The following IL13RA1 variants were observed in gnomAD, a reference collection of about 807,000 sequenced individuals.
IL13RA1 encodes interleukin 13 receptor subunit alpha 1, also known as interleukin-13 receptor subunit alpha-1.
In IL13RA1, 14 loss-of-function variants were observed where a neutral mutation model predicts 33.8. The ratio of observed to expected loss-of-function variants is 0.41; its 90% CI spans 0.27 to 0.65. IL13RA1 has a LOEUF of 0.65. Among genes scored for constraint, IL13RA1 ranks in the 30% least tolerant of loss-of-function variants. The pLI, the probability that IL13RA1 is intolerant of heterozygous loss-of-function variation, is 0.28. For synonymous variants in IL13RA1, 116 were observed against 115.7 expected (o/e 1.00, Z -0.02); for missense variants, 313 against 327.0 (o/e 0.96, Z 0.33).
the IL13RA1 span, among the ~76,000 whole-genome samples, chrX:118,802,407 AT>A: frequency 8.9e-6 from 1 of 112,294 alleles, no homozygotes; most frequent in Admixed American, 9.4e-5. Flanking sequence ...GCTATGTGAC[AT>A]GGGCACCAAC....
At chrX:118,803,786 C>T in the IL13RA1 span, among the ~76,000 whole-genome samples, 59 of 110,732 alleles carry the variant, frequency 5.3e-4, no homozygotes, top group Non-Finnish European at 1.0e-3. Context: ...TTTTTCCCTT[C>T]CAGATTGCTT....
At chrX:118,801,703 T>C in the IL13RA1 span, among the ~76,000 whole-genome samples, 53 of 112,461 alleles carry the variant, frequency 4.7e-4, no homozygotes, top group African/African-American at 1.5e-3. Context: ...CTTAGCACAG[T>C]GAACTTTAAT....
chrX:118,804,697 C>T, the IL13RA1 span, among the ~76,000 whole-genome samples: 2 of 111,977 alleles, frequency 1.8e-5, no homozygotes, highest in Non-Finnish European at 3.8e-5. Flanking sequence ...GAAAAATTAT[C>T]TGTGGTCAAG....
chrX:118,759,887 C>T (rs1320481612), intron 5 of IL13RA1, among the ~76,000 whole-genome samples: 1 of 111,438 alleles, frequency 9.0e-6, no homozygotes, highest in African/African-American at 3.3e-5. Flanking sequence ...ATCCTCCCAT[C>T]TCAGCCTCCC....
chrX:118,795,211 C>CA (rs1222782237), downstream of IL13RA1, among the ~76,000 whole-genome samples: 318 of 26,253 alleles, frequency 0.012, 1 homozygote, highest in East Asian at 0.018. Context: ...GACTCCGTCT[C>CA]AAAAAAAAAA....
At chrX:118,753,490 G>A (rs1451131167) in intron 4 of IL13RA1, among the ~76,000 whole-genome samples, 1 of 112,427 alleles carries the variant, frequency 8.9e-6, no homozygotes, top group African/African-American at 3.2e-5. Flanking sequence ...TTCCAAGATA[G>A]TGGTGGGTCA....
At chrX:118,779,841 C>T (rs2017823329) in intron 10 of IL13RA1, among the ~76,000 whole-genome samples, 1 of 111,530 alleles carries the variant, frequency 9.0e-6, no homozygotes, top group South Asian at 3.8e-4. Flanking sequence ...AAAATAATTT[C>T]AAGTTTTCAA....
chrX:118,772,539 G>A (rs2017734439), intron 8 of IL13RA1, among the ~76,000 whole-genome samples: 1 of 111,584 alleles, frequency 9.0e-6, no homozygotes, highest in African/African-American at 3.3e-5. Context: ...ATTCTAAGAA[G>A]CAATATTTTT....
Position 118,741,139 on chromosome X carries a change from G to A in IL13RA1, c.211G>A (p.Gly71Ser). The change falls in exon 2 of 11, where the codon GGC (glycine) becomes AGC (serine). Residue 71 changes from glycine to serine, a missense_variant. Coordinates refer to ENST00000371666, the MANE Select transcript of IL13RA1 (RefSeq NM_001560.3). The stretch of plus-strand genomic sequence containing the variant: ...TAGTCTATGGTATTTTAGTCATTTT[G>A]GCGACAAACAAGATAAGGTAAGTTT... ...NCSLWYFSHF[G>S]DKQDKKIAPE... is the part of the protein sequence containing the mutation. 8.6e-7 allele frequency: 1 copy of A among 1,165,840 alleles called. No homozygotes were observed. The highest frequency in any genetic ancestry group is 3.0e-5 in the East Asian group (1 of 33,593).
chrX:118,766,071 T>C (rs1026363206), intron 6 of IL13RA1, among the ~76,000 whole-genome samples: 3 of 112,235 alleles, frequency 2.7e-5, no homozygotes, highest in Non-Finnish European at 5.6e-5. Flanking sequence ...CCTGTTTATT[T>C]CCCTATAAGG....
At chrX:118,759,241 A>G (rs1355754110) in intron 5 of IL13RA1, among the ~76,000 whole-genome samples, 1 of 112,065 alleles carries the variant, frequency 8.9e-6, no homozygotes, top group Admixed American at 9.5e-5. Context: ...ACTTTGGGCA[A>G]GGCATATAAA....
chrX:118,733,097 A>G (rs759252122), intron 1 of IL13RA1, among the ~76,000 whole-genome samples: 4 of 112,216 alleles, frequency 3.6e-5, no homozygotes, highest in East Asian at 2.8e-4. Context: ...TCACAATACT[A>G]TTATGAACCT....
intron 10 of IL13RA1, among the ~76,000 whole-genome samples, chrX:118,779,975 C>T (rs948010321): frequency 1.8e-5 from 2 of 111,526 alleles, no homozygotes; most frequent in Non-Finnish European, 3.8e-5. Flanking sequence ...GTTTTTGTCC[C>T]GATGAGTCAG....
Position 118,793,395 on chromosome X carries a change from G to T in IL13RA1, c.*1541G>T, listed in dbSNP as rs1341715690. The T allele has an allele frequency of 2.7e-5, 3 of 112,019 alleles. No homozygotes were observed. Among genetic ancestry groups the T allele is most frequent in the African/African-American group, 9.7e-5 (3 of 30,809 alleles). The allele number at this position is 112,019 out of a possible 1,213,427, so 9.2% of individuals were successfully genotyped here. On this transcript the variant is annotated 3_prime_UTR_variant, in exon 11 of 11. Coordinates refer to ENST00000371666, the MANE Select transcript of IL13RA1 (RefSeq NM_001560.3). ...CTCTTTCTTTACAAGATGGGTCCAGGATTCCTCTTTTCTCTGCCATAAATG... is the reference window on the plus strand; with the variant it reads ...CTCTTTCTTTACAAGATGGGTCCAGTATTCCTCTTTTCTCTGCCATAAATG...
chrX:118,770,739 C>T, intron 8 of IL13RA1: 1 of 358,439 alleles, frequency 2.8e-6, no homozygotes, highest in Non-Finnish European at 5.4e-6. Flanking sequence ...GCAGGAACCC[C>T]TTCCTGTGCA....
chrX:118,792,011 A>G lies in IL13RA1; in HGVS notation c.*157A>G. 1 of 327,187 alleles carries G rather than the reference A, an allele frequency of 3.1e-6. No homozygotes were observed. The allele number at this position is 327,187 out of a possible 1,213,427, so 27.0% of individuals were successfully genotyped here. A position where few individuals can be genotyped will look rare whatever the true frequency, so the allele number is the denominator to read the frequency against. On this transcript the variant is annotated 3_prime_UTR_variant, in exon 11 of 11. Transcript: ENST00000371666. ...CACAGGTCTTTATGTTGAGTCGCGCACCGAAAAACTAAAAATAATGGGCGC... is the reference window on the plus strand; with the variant it reads ...CACAGGTCTTTATGTTGAGTCGCGCGCCGAAAAACTAAAAATAATGGGCGC...
At position 118,792,007 on chromosome X, in the gene IL13RA1, G is replaced by A. The variant is rs185192545; in HGVS notation, c.*153G>A. The A allele has an allele frequency of 3.4e-4, 111 of 330,246 alleles. No individual in the cohort carries two copies. Among genetic ancestry groups the A allele is most frequent in the East Asian group, 2.4e-3 (47 of 19,937 alleles). 27.2% of individuals were successfully genotyped at this position (330,246 alleles called of 1,213,427 possible). A position where few individuals can be genotyped will look rare whatever the true frequency, so the allele number is the denominator to read the frequency against. The stretch of plus-strand genomic sequence containing the variant: ...GAGCCACAGGTCTTTATGTTGAGTC[G>A]CGCACCGAAAAACTAAAAATAATGG... On this transcript the variant is annotated 3_prime_UTR_variant, in exon 11 of 11. Transcript: ENST00000371666.
chrX:118,733,398 A>G (rs1162229335), intron 1 of IL13RA1, among the ~76,000 whole-genome samples: 2 of 111,843 alleles, frequency 1.8e-5, no homozygotes, highest in Non-Finnish European at 3.8e-5. Context: ...GTGATGATGA[A>G]CACCTTCATG....
At chrX:118,786,702 G>A (rs2017921841) in intron 10 of IL13RA1, among the ~76,000 whole-genome samples, 2 of 111,862 alleles carry the variant, frequency 1.8e-5, no homozygotes, top group Admixed American at 9.5e-5. Context: ...CTTTGATCTA[G>A]GCTTTCTTTT....
Sources: allele counts gnomAD v4.1 joint callset (sites outside exome capture counted in the v4.1 genomes callset), GRCh38; gene constraint gnomAD v4.1.1; transcripts MANE v1.5; gene names NCBI Gene and HGNC (gene_info 2026-07-23, HGNC 2026-07-21).